CWH43: variants seen among roughly 807,000 people sequenced by gnomAD.
The protein encoded by CWH43 is cell wall biogenesis 43 C-terminal homolog, also known as PGAP2-interacting protein.
Under a neutral mutation model 85.7 loss-of-function variants are expected in CWH43, and 91 were observed. The ratio of observed to expected loss-of-function variants is 1.06; its 90% CI spans 0.90 to 1.26. CWH43 has a LOEUF of 1.26. CWH43 is among the 50% of genes most tolerant of loss of function. CWH43 has a pLI of 0.00. For missense variants in CWH43, 869 were observed against 839.2 expected (o/e 1.04, Z -0.44); for synonymous variants, 323 against 293.6 (o/e 1.10, Z -1.02).
At position 49,038,093 on chromosome 4, in the gene CWH43, C is replaced by G. The variant is rs1165140334; in HGVS notation, c.1716C>G (p.Ser572Arg). ...CTGTTTCAAAACTACTGAAAAGTAG[C>G]TCTAATCAAGTGATATTTCTGGGAT... ...AIAVSKLLKS[S>R]SNQVIFLGYI... Residue 572 changes from serine (S) to arginine (R), a missense_variant, in exon 13 of 16, where the codon AGC (serine) becomes AGG (arginine). By Grantham distance (110) the Ser-to-Arg change is moderately radical (BLOSUM62 -1). Coordinates refer to ENST00000226432, the MANE Select transcript of CWH43 (RefSeq NM_025087.3). 1 of 1,612,876 alleles carries G rather than the reference C, an allele frequency of 6.2e-7. No individual in the cohort carries two copies. The highest frequency in any genetic ancestry group is 1.1e-5 in the South Asian group (1 of 90,840).
At chr4:49,039,431 TTATATA>T (rs748807682) in intron 13 of CWH43, among the ~76,000 whole-genome samples, 6 of 124,154 alleles carry the variant, frequency 4.8e-5, no homozygotes, top group Admixed American at 3.4e-4. Context: ...ATATATACAC[TTATATA>T]TATATATATA....
At chr4:49,041,499 T>C (rs1018495897) in intron 13 of CWH43, among the ~76,000 whole-genome samples, 10 of 152,202 alleles carry the variant, frequency 6.6e-5, no homozygotes, top group African/African-American at 2.4e-4. Context: ...TTATTCTCTT[T>C]GAAGCAATTG....
chr4:49,032,578 G>A lies in CWH43; in HGVS notation c.1521G>A (p.Leu507=), dbSNP rs1421129367. Residue 507 remains leucine (L), a synonymous_variant, in exon 12 of 16, where the codon TTG becomes TTA. Coordinates refer to ENST00000226432, the MANE Select transcript of CWH43 (RefSeq NM_025087.3). ...CATTCCAATACAGGATTATGGCTTT[G>A]TCAAGATACCCAATTGTGAAATCTG... ...TRYHTWGIMA[L]SRYPIVKSEH... 2.5e-6 allele frequency: 4 copies of A among 1,613,960 alleles called. No individual in the cohort carries two copies. The highest frequency in any genetic ancestry group is 2.5e-6 in the Non-Finnish European group (3 of 1,179,912).
At chr4:49,057,113 C>A (rs1784989428) in intron 15 of CWH43, among the ~76,000 whole-genome samples, 1 of 152,242 alleles carries the variant, frequency 6.6e-6, no homozygotes, top group South Asian at 2.1e-4. Flanking sequence ...CCCCCAAAAT[C>A]TGAGACAGTT....
chr4:49,002,673 T>C (rs1359842459), intron 6 of CWH43, among the ~76,000 whole-genome samples: 4 of 152,238 alleles, frequency 2.6e-5, no homozygotes, highest in African/African-American at 9.6e-5. Context: ...AATCTCCCTA[T>C]GGAGTTAAAC....
chr4:48,991,918 A>G lies in CWH43; in HGVS notation c.357-18A>G. ...GAGTCCACATAAAAAGTGTTTAAAA[A>G]TACTTTTGCACTTACAGGTACCTCA... is the stretch of plus-strand genomic sequence containing the variant. On this transcript the variant is annotated intron_variant, in intron 3 of 15. Transcript: ENST00000226432. 6.2e-7 allele frequency: 1 copy of G among 1,605,386 alleles called. No homozygotes were observed. Among genetic ancestry groups the G allele is most frequent in the South Asian group, 1.1e-5 (1 of 90,438 alleles).
chr4:49,053,866 A>C (rs1205454598), intron 15 of CWH43, among the ~76,000 whole-genome samples: 2 of 152,192 alleles, frequency 1.3e-5, no homozygotes, highest in Non-Finnish European at 2.9e-5. Flanking sequence ...TATTCCAAAA[A>C]TGAATCCAAA....
At chr4:48,987,762 C>A (rs1782539749) in intron 1 of CWH43, among the ~76,000 whole-genome samples, 1 of 152,152 alleles carries the variant, frequency 6.6e-6, no homozygotes, top group Admixed American at 6.6e-5. Context: ...TACTTCAGAT[C>A]TGGGTATTCC....
chr4:49,004,526 A>G (rs1783092964), intron 7 of CWH43, among the ~76,000 whole-genome samples: 1 of 152,132 alleles, frequency 6.6e-6, no homozygotes, highest in South Asian at 2.1e-4. Context: ...AGTTGGGTCT[A>G]CTAGGTGTGG....
intron 14 of CWH43, among the ~76,000 whole-genome samples, chr4:49,047,496 T>G (rs763828063): frequency 3.9e-5 from 6 of 151,938 alleles, no homozygotes; most frequent in Non-Finnish European, 7.4e-5. Context: ...CAATTGTAAG[T>G]AGGGAGCTGG....
At chr4:49,033,055 A>G (rs899079495) in intron 12 of CWH43, among the ~76,000 whole-genome samples, 1 of 152,196 alleles carries the variant, frequency 6.6e-6, no homozygotes, top group Non-Finnish European at 1.5e-5. Context: ...AACTAGGCTT[A>G]GAGAGGTCAG....
chr4:49,039,509 C>T (rs1299257831), intron 13 of CWH43, among the ~76,000 whole-genome samples: 2 of 143,630 alleles, frequency 1.4e-5, no homozygotes, highest in African/African-American at 5.2e-5. Flanking sequence ...TTAGTTATGC[C>T]CTATGCAGAT....
intron 9 of CWH43, among the ~76,000 whole-genome samples, chr4:49,017,685 T>C (rs11730515): frequency 0.61 from 91,962 of 151,596 alleles, 30,461 homozygotes; most frequent in Middle Eastern, 0.79. Flanking sequence ...AATTATCCCA[T>C]GGTTCTACAG....
intron 8 of CWH43, 87 bp from the exon 9 acceptor site, chr4:49,017,162 G>C: frequency 9.0e-7 from 1 of 1,106,304 alleles, no homozygotes; most frequent in Non-Finnish European, 1.3e-6. Flanking sequence ...CATGGCACTG[G>C]AGCTGAGGCA....
chr4:48,998,407 G>A, intron 5 of CWH43, 53 bp from the exon 6 acceptor site: 1 of 1,325,852 alleles, frequency 7.5e-7, no homozygotes, highest in South Asian at 1.2e-5. Flanking sequence ...TTATATTCGG[G>A]ATGATGAAAT....
chr4:49,008,177 G>A (rs1233306150), intron 8 of CWH43, among the ~76,000 whole-genome samples: 1 of 152,174 alleles, frequency 6.6e-6, no homozygotes, highest in Non-Finnish European at 1.5e-5. Flanking sequence ...ACTGGTGTGA[G>A]ATGGTATCCC....
intron 12 of CWH43, among the ~76,000 whole-genome samples, chr4:49,035,051 A>G (rs892928318): frequency 2.6e-5 from 4 of 152,196 alleles, no homozygotes; most frequent in African/African-American, 9.6e-5. Context: ...CCCCAGAAGT[A>G]CTGTCTGGGA....
intron 8 of CWH43, among the ~76,000 whole-genome samples, chr4:49,016,091 G>C (rs1331154558): frequency 2.0e-5 from 3 of 151,924 alleles, no homozygotes; most frequent in Non-Finnish European, 4.4e-5. Flanking sequence ...TTAAGCTCAT[G>C]GTCCTTGGAA....
chr4:49,001,895 C>G (rs1783003815), intron 6 of CWH43, among the ~76,000 whole-genome samples: 1 of 152,088 alleles, frequency 6.6e-6, no homozygotes, highest in Non-Finnish European at 1.5e-5. Flanking sequence ...TTCAACCTCA[C>G]TAACAGTCAA....
Sources: gnomAD v4.1 joint callset for allele counts (sites outside exome capture counted in the v4.1 genomes callset) on GRCh38, gnomAD v4.1.1 for gene constraint, MANE v1.5 for transcripts, NCBI Gene and HGNC (gene_info 2026-07-23, HGNC 2026-07-21) for gene names.